The following SULT4A1 variants were observed in gnomAD, a reference collection of about 807,000 sequenced individuals.
SULT4A1 encodes the protein sulfotransferase 4A1.
In SULT4A1, 11 loss-of-function variants were observed where a neutral mutation model predicts 35.2. The observed-to-expected ratio is 0.31, with a 90% CI of 0.20 to 0.52. SULT4A1 has a LOEUF of 0.52. Ranked by LOEUF, SULT4A1 falls within the 20% of genes least tolerant of loss-of-function variation. The pLI, the probability that SULT4A1 is intolerant of heterozygous loss-of-function variation, is 0.97. For synonymous variants in SULT4A1, 152 were observed against 151.8 expected (o/e 1.00, Z -0.01); for missense variants, 271 against 383.7 (o/e 0.71, Z 2.45).
At chr22:43,851,984 C>T (rs117796752) in intron 1 of SULT4A1, among the ~76,000 whole-genome samples, 540 of 152,318 alleles carry the variant, frequency 3.5e-3, no homozygotes, top group Non-Finnish European at 6.3e-3. Context: ...TAATCCACCA[C>T]GCCCTCCTCT....
At chr22:43,851,370 T>C (rs2049340491) in intron 1 of SULT4A1, among the ~76,000 whole-genome samples, 1 of 152,240 alleles carries the variant, frequency 6.6e-6, no homozygotes, top group Admixed American at 6.5e-5. Context: ...CTTTGCTTTC[T>C]CGGAGTTCTT....
At chr22:43,840,484 T>G (rs2063417983) in intron 2 of SULT4A1, among the ~76,000 whole-genome samples, 1 of 152,044 alleles carries the variant, frequency 6.6e-6, no homozygotes, top group Non-Finnish European at 1.5e-5. Flanking sequence ...CAAGGGTCCT[T>G]GACTTTGGCC....
chr22:43,830,923 A>G (rs928474950), intron 5 of SULT4A1, among the ~76,000 whole-genome samples: 1 of 152,202 alleles, frequency 6.6e-6, no homozygotes, highest in Non-Finnish European at 1.5e-5. Context: ...ATTAATTCCT[A>G]AAAATGTGAC....
intron 4 of SULT4A1, among the ~76,000 whole-genome samples, chr22:43,835,301 G>A (rs1008487987): frequency 5.3e-5 from 8 of 152,224 alleles, no homozygotes; most frequent in African/African-American, 9.6e-5. Context: ...GCCACATGCC[G>A]TGCCCACCAC....
At chr22:43,861,001 T>TA (rs2049461021) in intron 1 of SULT4A1, among the ~76,000 whole-genome samples, 1 of 152,156 alleles carries the variant, frequency 6.6e-6, no homozygotes, top group Admixed American at 6.5e-5. Flanking sequence ...TTAACAGCGA[T>TA]AGAGCACTTG....
At chr22:43,835,624 C>T (rs963560908) in intron 4 of SULT4A1, among the ~76,000 whole-genome samples, 20 of 152,120 alleles carry the variant, frequency 1.3e-4, no homozygotes, top group Non-Finnish European at 2.8e-4. Context: ...CCAAGTGGCC[C>T]GACTGCAGCC....
intron 4 of SULT4A1, among the ~76,000 whole-genome samples, chr22:43,837,286 C>G (rs1287442689): frequency 2.6e-5 from 4 of 152,226 alleles, no homozygotes; most frequent in Non-Finnish European, 5.9e-5. Context: ...GAGGATGGGT[C>G]TGTGACTGTG....
intron 6 of SULT4A1, chr22:43,827,167 C>T (rs773962416): frequency 6.1e-6 from 6 of 985,308 alleles, no homozygotes; most frequent in Non-Finnish European, 6.0e-6. Flanking sequence ...AAGAACTGCT[C>T]GTTTAGAATT....
rs1424604280 is a variant in SULT4A1 at position 43,844,178 on chromosome 22, G to A, written c.170-2246C>T. Among the ~76,000 whole-genome samples, 10 of 152,300 alleles carry A rather than the reference G, an allele frequency of 6.6e-5. 1 individual carries two copies. In the South Asian group the frequency reaches 2.1e-3, roughly 32 times the overall value. ...GCGGTTTGAGGGCTTTTCTCCAACT[G>A]ATACGCACATGTAAGATATAATTCA... On this transcript the variant is annotated intron_variant, in intron 1 of 6. Transcript: ENST00000330884.
intron 1 of SULT4A1, among the ~76,000 whole-genome samples, chr22:43,856,554 C>G (rs1247333471): frequency 6.6e-6 from 1 of 152,132 alleles, no homozygotes; most frequent in African/African-American, 2.4e-5. Context: ...GCTACTAAAC[C>G]AAAGTAACAG....
intron 1 of SULT4A1, among the ~76,000 whole-genome samples, chr22:43,843,393 G>A (rs144797919): frequency 1.1e-3 from 166 of 152,362 alleles, no homozygotes; most frequent in African/African-American, 3.8e-3. Context: ...CTGCACTCCA[G>A]CCTGGGCAAC....
intron 1 of SULT4A1, among the ~76,000 whole-genome samples, chr22:43,854,415 T>C (rs2049378688): frequency 6.6e-6 from 1 of 152,132 alleles, no homozygotes; most frequent in Non-Finnish European, 1.5e-5. Context: ...ATCTAGTCAA[T>C]CTGCACACAC....
intron 4 of SULT4A1, among the ~76,000 whole-genome samples, 186 bp from the exon 5 acceptor site, chr22:43,833,920 C>T (rs533721886): frequency 2.9e-4 from 44 of 152,340 alleles, no homozygotes; most frequent in Admixed American, 2.5e-3. Context: ...CCAGCCCTCC[C>T]GCCTTCGGCA....
intron 2 of SULT4A1, among the ~76,000 whole-genome samples, chr22:43,840,515 G>A (rs1369832005): frequency 6.6e-6 from 1 of 152,136 alleles, no homozygotes; most frequent in Admixed American, 6.5e-5. Flanking sequence ...ACCCATCATA[G>A]CCACAGCCAC....
In SULT4A1 at chr22:43,838,867, G is replaced by A. The variant is rs759129814; in HGVS notation, c.508C>T (p.Leu170=). ...EFCRRFMNDK[L]GYGSWFEHVQ... is the part of the protein sequence containing the mutation. The stretch of plus-strand genomic sequence containing the variant: ...CATGCCGCCAGGCTGCAACACTCAC[G>A]CTTATCATTCATAAACCTCCGGCAG... The change falls in exon 4 of 7, where the codon CTG becomes TTG. Residue 170 remains leucine, a splice_region_variant and synonymous_variant. Transcript: ENST00000330884. 198 of 1,613,780 alleles carry A rather than the reference G, an allele frequency of 1.2e-4. 5 individuals are homozygous for A. The South Asian group carries it at 1.4e-3, about 11-fold the overall frequency.
rs1229162595 is a variant in SULT4A1 at position 43,847,945 on chromosome 22, C to T, written c.170-6013G>A. On this transcript the variant is annotated intron_variant, in intron 1 of 6. Transcript: ENST00000330884. The stretch of plus-strand genomic sequence containing the variant: ...TCACAGTTCTGGAGGCCAGAAGTCC[C>T]AAAGTCGAGGTGTGGGCAGGGCTGC... 2.0e-5 allele frequency among the ~76,000 whole-genome samples: 3 copies of T among 152,214 alleles called. No individual in the cohort carries two copies. In the East Asian group the frequency reaches 5.8e-4, roughly 29 times the overall value.
At chr22:43,847,209 A>ACACCACGAAACACG (rs1484680660) in intron 1 of SULT4A1, among the ~76,000 whole-genome samples, 9 of 152,162 alleles carry the variant, frequency 5.9e-5, no homozygotes, top group African/African-American at 1.9e-4. Flanking sequence ...CCGAGAACAC[A>ACACCACGAAACACG]CACCACGAAA....
intron 6 of SULT4A1, chr22:43,828,764 A>G (rs563392002): frequency 2.7e-6 from 1 of 367,768 alleles, no homozygotes; most frequent in Non-Finnish European, 4.9e-6. Context: ...ATCTGAGTAG[A>G]CTCCCTGCTG....
chr22:43,857,777 T>A (rs1024062834), intron 1 of SULT4A1, among the ~76,000 whole-genome samples: 1 of 152,124 alleles, frequency 6.6e-6, no homozygotes, highest in South Asian at 2.1e-4. Flanking sequence ...AGGCCTGGCA[T>A]AGCAGCTCAC....
Sources: allele counts gnomAD v4.1 joint callset (sites outside exome capture counted in the v4.1 genomes callset), GRCh38; gene constraint gnomAD v4.1.1; transcripts MANE v1.5; gene names NCBI Gene and HGNC (gene_info 2026-07-23, HGNC 2026-07-21).